Variants in GOSR2 observed in about 807,000 individuals in gnomAD.
GOSR2 encodes golgi SNAP receptor complex member 2.
In GOSR2, 20 loss-of-function variants were observed where a neutral mutation model predicts 27.9. That is an observed-to-expected ratio of 0.72 (90% CI 0.50 to 1.04). The LOEUF (loss-of-function observed/expected upper bound fraction) is 1.04, where lower values mean the gene tolerates loss of function less well. Ranked by LOEUF, GOSR2 falls within the 50% of genes least tolerant of loss-of-function variation. GOSR2 has a pLI of 0.00. For missense variants in GOSR2, 261 were observed against 270.5 expected, an observed-to-expected ratio of 0.97 and a Z score of 0.25; for synonymous variants, 91 against 98.8, an observed-to-expected ratio of 0.92 and a Z score of 0.47.
intron 1 of GOSR2, among the ~76,000 whole-genome samples, chr17:46,925,584 A>G (rs772343157): frequency 2.6e-5 from 4 of 152,232 alleles, no homozygotes; most frequent in African/African-American, 4.8e-5. Context: ...TTTCAGTTCC[A>G]TGATAACAGA....
intron 6 of GOSR2, among the ~76,000 whole-genome samples, chr17:46,963,092 T>C (rs2091157052): frequency 6.6e-5 from 10 of 152,212 alleles, no homozygotes. Flanking sequence ...ACCACTGCAT[T>C]ATGTGGCCAA....
rs190750365 is a variant in GOSR2 at position 46,961,473 on chromosome 17, T to C, written c.584-5061T>C. On this transcript the variant is annotated intron_variant, in intron 6 of 6. Coordinates refer to the GOSR2 transcript ENST00000573224. ...TTGCTTAAGCTCAGGAGTTCGAGGC[T>C]GCAGTGAGCTATGATCACGCCATTG... 3.0e-3 allele frequency among the ~76,000 whole-genome samples: 458 copies of C among 152,194 alleles called. 2 individuals are homozygous for C. The highest frequency in any genetic ancestry group is 0.011 in the African/African-American group (449 of 41,498).
intron 6 of GOSR2, among the ~76,000 whole-genome samples, chr17:46,953,865 C>T (rs1284982801): frequency 9.8e-5 from 15 of 152,290 alleles, no homozygotes; most frequent in South Asian, 2.1e-4. Flanking sequence ...TCATATCCTT[C>T]GCCCACTTGT....
intron 6 of GOSR2, among the ~76,000 whole-genome samples, chr17:46,956,116 T>A (rs987500300): frequency 2.0e-5 from 3 of 151,570 alleles, no homozygotes; most frequent in Admixed American, 6.6e-5. Flanking sequence ...AGCAGGAGGG[T>A]CCATCTTAAC....
intron 5 of GOSR2, chr17:46,937,521 G>A (rs2088598135): frequency 6.6e-6 from 1 of 152,148 alleles, no homozygotes; most frequent in Non-Finnish European, 1.5e-5. Flanking sequence ...ATCAGCCTTT[G>A]TAACTCACAC....
At position 46,938,920 on chromosome 17, in the gene GOSR2, G is replaced by A; in HGVS notation, c.*160G>A. ...TGTGGTCTAATTTCCAACCTGCTCT[G>A]TTTTCTGTGACATCTTGGAGGGGGA... On this transcript the variant is annotated 3_prime_UTR_variant, in exon 6 of 6. Transcript: ENST00000640051. 5 of 1,515,884 alleles carry A rather than the reference G, an allele frequency of 3.3e-6. No individual in the cohort carries two copies. Among genetic ancestry groups the A allele is most frequent in the Admixed American group, 2.0e-5 (1 of 50,468 alleles). 93.9% of individuals were successfully genotyped at this position (1,515,884 alleles called of 1,614,324 possible).
downstream of GOSR2, among the ~76,000 whole-genome samples, chr17:46,944,549 C>T (rs1432711645): frequency 1.3e-5 from 2 of 152,072 alleles, no homozygotes; most frequent in Non-Finnish European, 2.9e-5. Context: ...GGGCCTCGCT[C>T]CCCAGAGATG....
chr17:46,970,061 C>G (rs75588576), downstream of GOSR2, among the ~76,000 whole-genome samples: 5,778 of 152,274 alleles, frequency 0.038, 211 homozygotes, highest in African/African-American at 0.098. Context: ...TGTAAAATGA[C>G]GATCATCCCC....
chr17:46,931,932 T>C, intron 3 of GOSR2, 135 bp from the exon 4 acceptor site: 2 of 775,026 alleles, frequency 2.6e-6, no homozygotes, highest in South Asian at 2.8e-5. Context: ...TTAGATCTTG[T>C]GGTGAGGGGG....
At chr17:46,960,544 TA>T (rs760796624) in intron 6 of GOSR2, among the ~76,000 whole-genome samples, 59 of 152,180 alleles carry the variant, frequency 3.9e-4, no homozygotes, top group African/African-American at 1.4e-3. Context: ...CACACATACA[TA>T]AAAAAACTCT....
intron 1 of GOSR2, chr17:46,924,432 A>C (rs762822132): frequency 6.6e-6 from 1 of 152,210 alleles, no homozygotes; most frequent in Non-Finnish European, 1.5e-5. Context: ...TCTGGTGTAG[A>C]AGTATCTGTT....
downstream of GOSR2, among the ~76,000 whole-genome samples, chr17:46,969,469 G>C (rs1222706178): frequency 6.6e-6 from 1 of 152,182 alleles, no homozygotes; most frequent in Admixed American, 6.5e-5. Context: ...TGAGAGAGCT[G>C]CACAGGACCC....
At chr17:46,932,576 G>T in intron 4 of GOSR2, 1 of 469,726 alleles carries the variant, frequency 2.1e-6, no homozygotes, top group East Asian at 3.6e-5. Context: ...AGCTGCCTGC[G>T]GGCAGTTGCC....
At chr17:46,956,017 C>T (rs764982143) in intron 6 of GOSR2, among the ~76,000 whole-genome samples, 4 of 152,170 alleles carry the variant, frequency 2.6e-5, no homozygotes, top group African/African-American at 4.8e-5. Flanking sequence ...TTCCATGCCC[C>T]ATGGAGCCTC....
downstream of GOSR2, among the ~76,000 whole-genome samples, chr17:46,945,228 G>A (rs566477788): frequency 7.2e-5 from 11 of 152,322 alleles, no homozygotes; most frequent in Non-Finnish European, 1.3e-4. Context: ...CTGATGTGCT[G>A]TCTTCTGCAC....
intron 4 of GOSR2, among the ~76,000 whole-genome samples, chr17:46,933,882 C>T (rs866007291): frequency 2.0e-5 from 3 of 151,308 alleles, no homozygotes; most frequent in Non-Finnish European, 2.9e-5. Context: ...GAGAAGATCA[C>T]TTAAGCCTGG....
In GOSR2 at chr17:46,940,687, G is replaced by T; in HGVS notation, c.*1927G>T. 6.2e-7 allele frequency: 1 copy of T among 1,610,954 alleles called. No homozygotes were observed. The highest frequency in any genetic ancestry group is 1.3e-5 in the African/African-American group (1 of 75,024). The stretch of plus-strand genomic sequence containing the variant: ...GCGTGGACTGATAGGACATCTTTTC[G>T]TGGTGTGCACCAGTGCTTTCCACAC... On this transcript the variant is annotated 3_prime_UTR_variant, in exon 6 of 6. Transcript: ENST00000640051.
intron 1 of GOSR2, among the ~76,000 whole-genome samples, chr17:46,928,340 G>A (rs1253142237): frequency 1.3e-5 from 2 of 152,160 alleles, no homozygotes; most frequent in Non-Finnish European, 2.9e-5. Context: ...TTGGGGTCCT[G>A]GTTTGCATTG....
At chr17:46,961,031 T>A (rs760415452) in intron 6 of GOSR2, among the ~76,000 whole-genome samples, 1 of 151,800 alleles carries the variant, frequency 6.6e-6, no homozygotes, top group Admixed American at 6.6e-5. Flanking sequence ...GGGGAGAGTT[T>A]AAAAAAAACA....
Sources: gnomAD v4.1 joint callset for allele counts (sites outside exome capture counted in the v4.1 genomes callset) on GRCh38, gnomAD v4.1.1 for gene constraint, MANE v1.5 for transcripts, NCBI Gene and HGNC (gene_info 2026-07-23, HGNC 2026-07-21) for gene names.